Variants in SPTB observed in about 807,000 individuals in gnomAD.
SPTB encodes spectrin beta, erythrocytic, also known as spectrin beta chain, erythrocytic.
In SPTB, 45 loss-of-function variants were observed where a neutral mutation model predicts 256.2. That is an observed-to-expected ratio of 0.18 (90% CI 0.14 to 0.23). The LOEUF is 0.23. Ranked by LOEUF, SPTB falls within the 10% of genes least tolerant of loss-of-function variation. SPTB has a pLI of 1.00. For missense variants in SPTB, 2,715 were observed against 3,040.4 expected (o/e 0.89, Z 2.52); for synonymous variants, 1,231 against 1,243.1 (o/e 0.99, Z 0.21).
Position 64,782,388 on chromosome 14 carries a change from C to G in SPTB, c.4168G>C (p.Asp1390His), listed in dbSNP as rs1055690350. ...ATGGCGCTGATCCACTTGTTGAGGT[C>G]AGCATGGGTCTGCAAGCGCAGGTCG... ...SSDLRLQTHADLNKWISAMED... is the reference protein window; with the variant it reads ...SSDLRLQTHAHLNKWISAMED... The change falls in exon 20 of 36, where the codon GAC becomes CAC. Residue 1390 changes from aspartate (D) to histidine (H), a missense_variant. By Grantham distance (81) the Asp-to-His change is moderately conservative. Transcript: ENST00000644917. 6.2e-7 allele frequency: 1 copy of G among 1,614,166 alleles called. No individual in the cohort carries two copies. Among genetic ancestry groups the G allele is most frequent in the African/African-American group, 1.3e-5 (1 of 75,038 alleles).
At chr14:64,869,824 C>A (rs1233291523) in intron 1 of SPTB, among the ~76,000 whole-genome samples, 7 of 137,838 alleles carry the variant, frequency 5.1e-5, no homozygotes, top group African/African-American at 1.9e-4. Context: ...AGAGACAGGT[C>A]TTGCTATGTT....
intron 1 of SPTB, among the ~76,000 whole-genome samples, chr14:64,869,235 C>G (rs951464223): frequency 1.3e-5 from 2 of 152,166 alleles, no homozygotes; most frequent in Admixed American, 1.3e-4. Context: ...AAACTCTCAG[C>G]ATAGTGCTTA....
chr14:64,870,311 C>T (rs1411181563), intron 1 of SPTB, among the ~76,000 whole-genome samples: 1 of 150,502 alleles, frequency 6.6e-6, no homozygotes, highest in East Asian at 2.0e-4. Context: ...ACACAAAAAG[C>T]CCTGAAAAAA....
Position 64,769,101 on chromosome 14 carries a change from C to T in SPTB, c.5955G>A (p.Gln1985=), listed in dbSNP as rs1468516835. Reference sequence around the variant, plus strand: ...TCTCTTTCCTCCTGGACATCACCTGCTGCAGTTTCTCGCGGATCTATGGGG... The same window carrying T: ...TCTCTTTCCTCCTGGACATCACCTGTTGCAGTTTCTCGCGGATCTATGGGG... ...QASEEIREKL[Q]QVMSRRKEMN... is the part of the protein sequence containing the mutation. The change falls in exon 29 of 36, where the codon CAG becomes CAA. Residue 1985 remains glutamine (Q), a synonymous_variant. Coordinates refer to ENST00000644917, the MANE Select transcript of SPTB (RefSeq NM_001355436.2). The T allele has an allele frequency of 6.2e-7, 1 of 1,613,884 alleles. No individual in the cohort carries two copies. Among genetic ancestry groups the T allele is most frequent in the Admixed American group, 1.7e-5 (1 of 60,030 alleles).
chr14:64,749,515 C>T lies in SPTB; in HGVS notation c.6820-42G>A, dbSNP rs1226431939. ...CACGGTGGAGTCTGGAGGCCCACAG[C>T]CCCCCACCTCCCGGGCCAGGCAACA... On this transcript the variant is annotated intron_variant, in intron 35 of 35. Coordinates refer to ENST00000644917, the MANE Select transcript of SPTB (RefSeq NM_001355436.2). The surrounding 1 kb of genome is among the most constrained non-coding windows in gnomAD (Gnocchi z 4.7). The T allele has an allele frequency of 1.3e-6, 2 of 1,596,314 alleles. No individual in the cohort carries two copies. Among genetic ancestry groups the T allele is most frequent in the South Asian group, 1.1e-5 (1 of 90,514 alleles).
intron 13 of SPTB, 123 bp downstream of exon 13, chr14:64,794,344 T>A: frequency 1.5e-6 from 2 of 1,339,746 alleles, no homozygotes; most frequent in South Asian, 2.6e-5. Flanking sequence ...CTTGGACCAT[T>A]ACTTGATGAA....
chr14:64,775,164 G>T lies in SPTB; in HGVS notation c.4803C>A (p.Gly1601=). ...LDADEAEAWI[G]EQELYVISDE... Reference sequence around the variant, plus strand: ...CGGAGATGACGTAGAGCTCCTGCTCGCCAATCCAGGCCTCAGCCTCGTCTG... The same window carrying T: ...CGGAGATGACGTAGAGCTCCTGCTCTCCAATCCAGGCCTCAGCCTCGTCTG... The change falls in exon 23 of 36, where the codon GGC becomes GGA. Residue 1601 remains glycine (G), a synonymous_variant. Coordinates refer to ENST00000644917, the MANE Select transcript of SPTB (RefSeq NM_001355436.2). This position sits in a 1 kb window ranked among gnomAD's most constrained non-coding sequence, Gnocchi z 5.0. The T allele has an allele frequency of 1.2e-6, 2 of 1,613,934 alleles. No individual in the cohort carries two copies. The highest frequency in any genetic ancestry group is 8.5e-7 in the Non-Finnish European group (1 of 1,180,042).
In SPTB at chr14:64,793,324, G is replaced by T; in HGVS notation, c.2339C>A (p.Ala780Asp). 6.2e-7 allele frequency: 1 copy of T among 1,608,892 alleles called. No homozygotes were observed. Among genetic ancestry groups the T allele is most frequent in the Non-Finnish European group, 8.5e-7 (1 of 1,179,994 alleles). Residue 780 changes from alanine (A) to aspartate (D), a missense_variant, in exon 14 of 36, where the codon GCC (alanine) becomes GAC (aspartate). Physicochemically the swap from Ala to Asp is moderately radical, Grantham distance 126 (BLOSUM62 -2). Transcript: ENST00000644917. This position sits in a 1 kb window ranked among gnomAD's most constrained non-coding sequence, Gnocchi z 7.0. ...GAAGTCCTTGTGCTTTTTCCCCAGG[G>T]CCCGCGTGGCCCCTTCGTCCTGCCC... is the stretch of plus-strand genomic sequence containing the variant. Reference protein sequence around the residue: ...DVGQDEGATRALGKKHKDFLE... With the variant: ...DVGQDEGATRDLGKKHKDFLE...
At position 64,807,190 on chromosome 14, in the gene SPTB, G is replaced by T. The variant is rs934779881; in HGVS notation, c.149-2100C>A. Among the ~76,000 whole-genome samples the T allele has an allele frequency of 6.6e-6, 1 of 152,184 alleles. No homozygotes were observed. The highest frequency in any genetic ancestry group is 2.4e-5 in the African/African-American group (1 of 41,434). On this transcript the variant is annotated intron_variant, in intron 2 of 35. Transcript: ENST00000644917. The surrounding 1 kb of genome is among the most constrained non-coding windows in gnomAD (Gnocchi z 4.7). Reference sequence around the variant, plus strand: ...CAGGTGTGGAGCCTCTGACTAAGGGGGGTGAAAGTTTTAGCCCCTTTAGAG... The same window carrying T: ...CAGGTGTGGAGCCTCTGACTAAGGGTGGTGAAAGTTTTAGCCCCTTTAGAG...
Position 64,786,550 on chromosome 14 carries a change from G to T in SPTB, c.3415C>A (p.Leu1139Met), listed in dbSNP as rs1320997133. The T allele has an allele frequency of 6.2e-7, 1 of 1,614,224 alleles. No individual in the cohort carries two copies. Among genetic ancestry groups the T allele is most frequent in the South Asian group, 1.1e-5 (1 of 91,084 alleles). ...QGQTDPEYLL[L>M]GQRLEGLDTG... ...TCCAGGCCCTCCAGCCGCTGGCCCA[G>T]AAGCAGATACTCTGGGTCCGTCTGG... Residue 1139 changes from leucine (L) to methionine (M), a missense_variant, in exon 16 of 36, where the codon CTG (leucine) becomes ATG (methionine). Around this residue, in one of 4 missense-constraint regions of SPTB, gnomAD observed 2,239 missense variants for 2,384.4 expected, o/e 0.94. Transcript: ENST00000644917. This position sits in a 1 kb window ranked among gnomAD's most constrained non-coding sequence, Gnocchi z 5.6.
At position 64,758,465 on chromosome 14, in the gene SPTB, A is replaced by G. The variant is rs1202370462; in HGVS notation, c.6346-4672T>C. Among the ~76,000 whole-genome samples the G allele has an allele frequency of 4.6e-5, 7 of 152,188 alleles. No homozygotes were observed. The highest frequency in any genetic ancestry group is 1.0e-4 in the Non-Finnish European group (7 of 68,028). Reference sequence around the variant, plus strand: ...CCTGAGGCCCTGCCTCAAGGCTTGGAGTGGGGCACTGAGGTGGAGGGGCCC... The same window carrying G: ...CCTGAGGCCCTGCCTCAAGGCTTGGGGTGGGGCACTGAGGTGGAGGGGCCC... On this transcript the variant is annotated intron_variant, in intron 32 of 35. Transcript: ENST00000644917. The surrounding 1 kb of genome is among the most constrained non-coding windows in gnomAD (Gnocchi z 4.6).
In SPTB at chr14:64,844,193, G is replaced by GA. The variant is rs35968059; in HGVS notation, c.-51-21049dup. 1.9e-4 allele frequency among the ~76,000 whole-genome samples: 28 copies of GA among 148,520 alleles called. No homozygotes were observed. Among genetic ancestry groups the GA allele is most frequent in the Admixed American group, 2.7e-4 (4 of 14,946 alleles). On this transcript the variant is annotated intron_variant, in intron 1 of 35. Transcript: ENST00000644917. This position sits in a 1 kb window ranked among gnomAD's most constrained non-coding sequence, Gnocchi z 4.1. ...AAGAGTGCTTAGCAGGAGTCATGGA[G>GA]AAAAAAAAAATGAGAGCTAGAAAGC...
At position 64,841,921 on chromosome 14, in the gene SPTB, C is replaced by G. The variant is rs1035956393; in HGVS notation, c.-51-18776G>C. Among the ~76,000 whole-genome samples the G allele has an allele frequency of 6.6e-6, 1 of 152,210 alleles. No individual in the cohort carries two copies. Among genetic ancestry groups the G allele is most frequent in the Non-Finnish European group, 1.5e-5 (1 of 68,044 alleles). ...TGTTAAAGAGCGCGGCAAATGTTATCTGGAAGCAGCCGGGACAAGAGCACC... is the reference window on the plus strand; with the variant it reads ...TGTTAAAGAGCGCGGCAAATGTTATGTGGAAGCAGCCGGGACAAGAGCACC... On this transcript the variant is annotated intron_variant, in intron 1 of 35. Transcript: ENST00000644917. The surrounding 1 kb of genome is among the most constrained non-coding windows in gnomAD (Gnocchi z 4.6).
At chr14:64,877,655 C>T (rs1288257102) in intron 1 of SPTB, among the ~76,000 whole-genome samples, 2 of 152,188 alleles carry the variant, frequency 1.3e-5, no homozygotes, top group Admixed American at 6.5e-5. Flanking sequence ...GTTCCACTAC[C>T]ATCCAGGTAC....
At position 64,749,998 on chromosome 14, in the gene SPTB, C is replaced by T. The variant is rs1174991849; in HGVS notation, c.6759G>A (p.Lys2253=). Residue 2253 remains lysine (K), a synonymous_variant, in exon 34 of 36, where the codon AAG becomes AAA. Transcript: ENST00000644917. This position sits in a 1 kb window ranked among gnomAD's most constrained non-coding sequence, Gnocchi z 4.7. ...CEIAANYKKK[K]HVFKLRLSNG... ...GGCCTCACCTCAGCTTAAAGACGTG[C>T]TTCTTCTTCTTGTAGTTGGCAGCAA... 13 of 1,613,090 alleles carry T rather than the reference C, an allele frequency of 8.1e-6. No individual in the cohort carries two copies. Among genetic ancestry groups the T allele is most frequent in the Non-Finnish European group, 1.1e-5 (13 of 1,179,018 alleles).
chr14:64,800,734 T>G, intron 8 of SPTB, 22 bp downstream of exon 8: 1 of 1,603,024 alleles, frequency 6.2e-7, no homozygotes. Flanking sequence ...GAGTGACACT[T>G]TGGTTCCAAA....
At position 64,785,843 on chromosome 14, in the gene SPTB, C is replaced by T. The variant is rs2082555973; in HGVS notation, c.3670G>A (p.Val1224Ile). 6.2e-7 allele frequency: 1 copy of T among 1,614,000 alleles called. No individual in the cohort carries two copies. Among genetic ancestry groups the T allele is most frequent in the African/African-American group, 1.3e-5 (1 of 74,874 alleles). ...LGSMENNRDK[V>I]LSPVDSGNKL... ...TTTCCAGAGTCCACAGGACTCAAGA[C>T]CTTATCCCGGTTGTTCTCCATAGAC... The change falls in exon 17 of 36, where the codon GTC (valine) becomes ATC (isoleucine). Residue 1224 changes from valine (V) to isoleucine (I), a missense_variant. Physicochemically the swap from Val to Ile is conservative, Grantham distance 29. Coordinates refer to ENST00000644917, the MANE Select transcript of SPTB (RefSeq NM_001355436.2). The surrounding 1 kb of genome is among the most constrained non-coding windows in gnomAD (Gnocchi z 4.4).
intron 1 of SPTB, among the ~76,000 whole-genome samples, chr14:64,854,020 C>T (rs930543719): frequency 2.0e-5 from 3 of 151,894 alleles, no homozygotes; most frequent in East Asian, 2.0e-4. Context: ...GGCAAAACCC[C>T]GGCTCTATTA....
chr14:64,822,933 G>GCC lies in SPTB; in HGVS notation c.148+12_148+13dup. The GCC allele has an allele frequency of 6.2e-7, 1 of 1,612,882 alleles. No homozygotes were observed. The highest frequency in any genetic ancestry group is 8.5e-7 in the Non-Finnish European group (1 of 1,180,026). On this transcript the variant is annotated intron_variant, in intron 2 of 35. Coordinates refer to ENST00000644917, the MANE Select transcript of SPTB (RefSeq NM_001355436.2). Reference sequence around the variant, plus strand: ...GTGAGAATGCCCTCCAACCCTTGTGGCCCCAAACAGTACCTGCCAAGGCCT... The same window carrying GCC: ...GTGAGAATGCCCTCCAACCCTTGTGGCCCCCCAAACAGTACCTGCCAAGGCCT...
Sources: gnomAD v4.1 joint callset for allele counts (sites outside exome capture counted in the v4.1 genomes callset) on GRCh38, gnomAD v4.1.1 for gene constraint, gnomAD v4.1.1 regional missense constraint, Gnocchi (gnomAD v3.1) non-coding constraint, MANE v1.5 for transcripts, NCBI Gene and HGNC (gene_info 2026-07-23, HGNC 2026-07-21) for gene names.